Variants in ZNF726 observed in about 807,000 individuals in gnomAD.
The protein encoded by ZNF726 is zinc finger protein 726.
In ZNF726, 15 loss-of-function variants were observed where a neutral mutation model predicts 11.6. That is an observed-to-expected ratio of 1.29 (90% CI 0.86 to 1.99). The LOEUF (loss-of-function observed/expected upper bound fraction) is 1.99, where lower values mean the gene tolerates loss of function less well. Ranked by LOEUF, ZNF726 falls within the 30% of genes most tolerant of loss-of-function variation. The pLI is 0.00. For synonymous variants in ZNF726, 295 were observed against 243.6 expected (o/e 1.21, Z -1.96); for missense variants, 890 against 725.6 (o/e 1.23, Z -2.60).
downstream of ZNF726, among the ~76,000 whole-genome samples, chr19:23,937,054 C>T (rs1407369609): frequency 6.6e-6 from 1 of 151,092 alleles, no homozygotes; most frequent in Non-Finnish European, 1.5e-5. Flanking sequence ...GCGCCCCTCA[C>T]CTCCCGAACG....
At chr19:23,919,671 C>T in intron 2 of ZNF726, 172 bp downstream of exon 2, 1 of 814,120 alleles carries the variant, frequency 1.2e-6, no homozygotes, top group African/African-American at 1.8e-5. Context: ...CCTGAAATTT[C>T]CACATTCCTG....
At chr19:23,939,641 A>G (rs961060172) in intron 3 of ZNF726, among the ~76,000 whole-genome samples, 4 of 152,094 alleles carry the variant, frequency 2.6e-5, no homozygotes, top group Non-Finnish European at 5.9e-5. Context: ...TTTCCACTAG[A>G]AGTGTAGAAG....
intron 3 of ZNF726, among the ~76,000 whole-genome samples, chr19:23,924,397 T>C (rs917864627): frequency 6.6e-6 from 1 of 152,174 alleles, no homozygotes; most frequent in Admixed American, 6.6e-5. Context: ...TCTAAGTTAG[T>C]AGCCTTGGAA....
rs748593120 is a variant in ZNF726, at chr19:23,914,959, C to T, written c.-36C>T. ...TCTTCTGCTTTTAGGGGCGCAGCCT[C>T]TGTGGCCCTGTGACCTGCCCCCTGG... On this transcript the variant is annotated 5_prime_UTR_variant, in exon 1 of 4. Coordinates refer to ENST00000594466, the MANE Select transcript of ZNF726 (RefSeq NM_001244038.2). 7 of 1,613,328 alleles carry T rather than the reference C, an allele frequency of 4.3e-6. No homozygotes were observed. Among genetic ancestry groups the T allele is most frequent in the Non-Finnish European group, 5.9e-6 (7 of 1,179,998 alleles).
downstream of ZNF726, among the ~76,000 whole-genome samples, chr19:23,936,596 A>C (rs1032699517): frequency 6.6e-6 from 1 of 152,048 alleles, no homozygotes; most frequent in Non-Finnish European, 1.5e-5. Context: ...AAAATGTAAG[A>C]TACATGATGA....
At chr19:23,920,105 G>C in intron 3 of ZNF726, 23 bp downstream of exon 3, 1 of 1,501,562 alleles carries the variant, frequency 6.7e-7, no homozygotes, top group South Asian at 1.1e-5. Flanking sequence ...GAATACAACA[G>C]ATGACCTGGA....
chr19:23,920,200 T>A, intron 3 of ZNF726, 118 bp downstream of exon 3: 1 of 642,354 alleles, frequency 1.6e-6, no homozygotes, highest in Non-Finnish European at 2.5e-6. Context: ...CTGGAAAGCC[T>A]GAAATTTAAA....
At chr19:23,927,974 A>G (rs1257483726) in intron 3 of ZNF726, 1 of 152,152 alleles carries the variant, frequency 6.6e-6, no homozygotes, top group Non-Finnish European at 1.5e-5. Flanking sequence ...TTAATGTTGG[A>G]TGTGAGACCT....
intron 3 of ZNF726, 61 bp downstream of exon 3, chr19:23,920,143 C>A: frequency 8.1e-7 from 1 of 1,239,564 alleles, no homozygotes; most frequent in Non-Finnish European, 1.1e-6. Flanking sequence ...AGAAGAAAGC[C>A]AGTCTTTAAA....
chr19:23,934,861 T>G (rs185569769), downstream of ZNF726, among the ~76,000 whole-genome samples: 28 of 152,362 alleles, frequency 1.8e-4, no homozygotes, highest in African/African-American at 6.3e-4. Context: ...TATGCCCAGA[T>G]GCACCTTAGC....
At chr19:23,939,816 C>A (rs1039254749) in intron 3 of ZNF726, among the ~76,000 whole-genome samples, 4 of 128,404 alleles carry the variant, frequency 3.1e-5, no homozygotes, top group African/African-American at 1.2e-4. Context: ...ATTTGTATAT[C>A]TTTTGAGAAT....
intron 3 of ZNF726, among the ~76,000 whole-genome samples, chr19:23,931,257 C>T (rs142278019): frequency 6.6e-6 from 1 of 152,320 alleles, no homozygotes; most frequent in African/African-American, 2.4e-5. Context: ...CAGGCATGAG[C>T]CACCGCTCCC....
chr19:23,934,498 C>T (rs553547175), downstream of ZNF726: 31 of 377,224 alleles, frequency 8.2e-5, no homozygotes, highest in African/African-American at 5.5e-4. Flanking sequence ...GGAAATCTTT[C>T]TTTTTTTTCC....
At chr19:23,939,926 C>T (rs1230121259) in intron 3 of ZNF726, among the ~76,000 whole-genome samples, 2 of 125,890 alleles carry the variant, frequency 1.6e-5, no homozygotes, top group Non-Finnish European at 3.2e-5. Flanking sequence ...GGATATTAGT[C>T]CTTTGGCAGA....
chr19:23,923,298 C>T, intron 3 of ZNF726: 1 of 328,482 alleles, frequency 3.0e-6, no homozygotes, highest in South Asian at 2.3e-5. Flanking sequence ...TAAAAATTGG[C>T]ATGAATTTCT....
intron 3 of ZNF726, among the ~76,000 whole-genome samples, chr19:23,925,209 A>G (rs1284771136): frequency 6.6e-6 from 1 of 152,170 alleles, no homozygotes; most frequent in Non-Finnish European, 1.5e-5. Context: ...CATTGTATCA[A>G]ATATGTCTTC....
At chr19:23,937,558 A>G (rs1968265223), downstream of ZNF726, among the ~76,000 whole-genome samples, 1 of 150,952 alleles carries the variant, frequency 6.6e-6, no homozygotes, top group Non-Finnish European at 1.5e-5. Context: ...GCAGCCGGGC[A>G]GAGACGCTCC....
chr19:23,917,195 C>G (rs1312625028), intron 1 of ZNF726, among the ~76,000 whole-genome samples: 1 of 152,214 alleles, frequency 6.6e-6, no homozygotes, highest in African/African-American at 2.4e-5. Flanking sequence ...AAGTGACTCA[C>G]CTTCTTTGGC....
chr19:23,942,143 G>A (rs1450533988), intron 3 of ZNF726, among the ~76,000 whole-genome samples: 1 of 151,980 alleles, frequency 6.6e-6, no homozygotes, highest in African/African-American at 2.4e-5. Flanking sequence ...TATCCAAGAG[G>A]TTTTGATTGG....
Sources: gnomAD v4.1 joint callset for allele counts (sites outside exome capture counted in the v4.1 genomes callset) on GRCh38, gnomAD v4.1.1 for gene constraint, MANE v1.5 for transcripts, NCBI Gene and HGNC (gene_info 2026-07-23, HGNC 2026-07-21) for gene names.